Variants in TNR observed in about 807,000 individuals in gnomAD.
The protein encoded by TNR is tenascin-R.
A neutral mutation model predicts 150.4 loss-of-function variants in TNR; 45 were observed. That is an observed-to-expected ratio of 0.30 (90% CI 0.24 to 0.38). TNR has a LOEUF of 0.38. Ranked by LOEUF, TNR falls within the 10% of genes least tolerant of loss-of-function variation. The pLI is 1.00. For missense variants in TNR, 1,544 were observed against 1,759.1 expected (o/e 0.88, Z 2.19); for synonymous variants, 687 against 678.4 (o/e 1.01, Z -0.20).
At chr1:175,569,819 G>A (rs1031212772) in intron 1 of TNR, among the ~76,000 whole-genome samples, 2 of 152,184 alleles carry the variant, frequency 1.3e-5, no homozygotes, top group Non-Finnish European at 2.9e-5. Context: ...CAGATTTACA[G>A]GAGATAGACA....
At chr1:175,577,535 A>G (rs922778280) in intron 1 of TNR, among the ~76,000 whole-genome samples, 1 of 152,086 alleles carries the variant, frequency 6.6e-6, no homozygotes, top group African/African-American at 2.4e-5. Flanking sequence ...ACTGCCCCAC[A>G]CAAGCCTTGG....
intron 1 of TNR, among the ~76,000 whole-genome samples, chr1:175,602,000 A>G (rs1663256343): frequency 6.6e-6 from 1 of 152,146 alleles, no homozygotes; most frequent in South Asian, 2.1e-4. Flanking sequence ...ACCCCACTGT[A>G]TAGAGCAGGG....
Position 175,403,122 on chromosome 1 carries a change from G to A in TNR, c.976+18C>T. The stretch of plus-strand genomic sequence containing the variant: ...TGGACCACCCTTGCCAAACACCCCA[G>A]AGAGTTCCCCTGCCTACCTGCTGAG... On this transcript the variant is annotated intron_variant, in intron 4 of 22. Transcript: ENST00000367674. The A allele has an allele frequency of 6.3e-7, 1 of 1,597,056 alleles. No homozygotes were observed. The highest frequency in any genetic ancestry group is 2.2e-5 in the East Asian group (1 of 44,552).
chr1:175,730,603 C>T (rs1429841318), intron 1 of TNR, among the ~76,000 whole-genome samples: 1 of 152,134 alleles, frequency 6.6e-6, no homozygotes, highest in Non-Finnish European at 1.5e-5. Context: ...TTACTGAATG[C>T]CAACAGAATT....
chr1:175,573,317 GA>G (rs1661962809), intron 1 of TNR, among the ~76,000 whole-genome samples: 1 of 152,234 alleles, frequency 6.6e-6, no homozygotes, highest in African/African-American at 2.4e-5. Flanking sequence ...CCCTCCCTCA[GA>G]GCCCTGCGGC....
chr1:175,711,656 G>C (rs576912778), intron 1 of TNR, among the ~76,000 whole-genome samples: 3 of 152,170 alleles, frequency 2.0e-5, no homozygotes, highest in Non-Finnish European at 4.4e-5. Context: ...GACTGTGGCC[G>C]GGCCCAGGAC....
intron 20 of TNR, among the ~76,000 whole-genome samples, chr1:175,331,139 C>CTCTT (rs1649870297): frequency 1.7e-5 from 2 of 114,542 alleles, no homozygotes; most frequent in Non-Finnish European, 3.9e-5. Flanking sequence ...TCTTTTCTTT[C>CTCTT]TTTCTTCCTT....
chr1:175,698,762 G>A lies in TNR; in HGVS notation c.-165+44464C>T, dbSNP rs374657283. 4.6e-5 allele frequency among the ~76,000 whole-genome samples: 7 copies of A among 152,002 alleles called. No individual in the cohort carries two copies. The East Asian group carries it at 7.7e-4, about 17-fold the overall frequency. ...AGGCAGGGGAATCGCTTGGACCTGG[G>A]AGTTGGAGGTTGCAGTGATCTGAGA... On this transcript the variant is annotated intron_variant, in intron 1 of 22. Transcript: ENST00000367674.
chr1:175,450,241 A>G (rs1465351371), intron 2 of TNR, among the ~76,000 whole-genome samples: 1 of 152,154 alleles, frequency 6.6e-6, no homozygotes, highest in African/African-American at 2.4e-5. Context: ...GGAAAGATTC[A>G]TGGTCTCTGG....
At chr1:175,350,291 A>G (rs574599076) in intron 18 of TNR, among the ~76,000 whole-genome samples, 4 of 152,336 alleles carry the variant, frequency 2.6e-5, no homozygotes, top group African/African-American at 9.6e-5. Flanking sequence ...TCTTTACTTA[A>G]CCTCAAGGTC....
At chr1:175,490,955 A>G (rs557961894) in intron 2 of TNR, among the ~76,000 whole-genome samples, 11 of 152,362 alleles carry the variant, frequency 7.2e-5, no homozygotes, top group Non-Finnish European at 1.5e-4. Context: ...AATAGCAAAG[A>G]CATATAATTA....
chr1:175,612,385 AT>A (rs1168676984), intron 1 of TNR, among the ~76,000 whole-genome samples: 1 of 152,192 alleles, frequency 6.6e-6, no homozygotes, highest in African/African-American at 2.4e-5. Flanking sequence ...TTGTCTTTGC[AT>A]ATCTGGTGAA....
chr1:175,388,656 C>T (rs1264043891), intron 7 of TNR, among the ~76,000 whole-genome samples: 4 of 152,232 alleles, frequency 2.6e-5, no homozygotes, highest in Admixed American at 6.5e-5. Context: ...GAGGTATCAA[C>T]TTGCTTTCAG....
At chr1:175,576,144 A>G (rs1481088382) in intron 1 of TNR, among the ~76,000 whole-genome samples, 1 of 152,220 alleles carries the variant, frequency 6.6e-6, no homozygotes, top group Non-Finnish European at 1.5e-5. Flanking sequence ...GTAGGATGGC[A>G]GTGATGGCAC....
intron 2 of TNR, among the ~76,000 whole-genome samples, chr1:175,453,975 A>G (rs750714658): frequency 6.6e-6 from 1 of 151,940 alleles, no homozygotes; most frequent in Non-Finnish European, 1.5e-5. Context: ...GACAGGGTGA[A>G]TTTTTTCCAG....
intron 1 of TNR, among the ~76,000 whole-genome samples, chr1:175,600,582 G>C (rs1293012521): frequency 6.6e-6 from 1 of 152,180 alleles, no homozygotes; most frequent in Non-Finnish European, 1.5e-5. Context: ...TAAAGATAGG[G>C]CCACCATGTA....
Position 175,693,122 on chromosome 1 carries a change from G to A in TNR, c.-165+50104C>T, listed in dbSNP as rs780565253. Among the ~76,000 whole-genome samples the A allele has an allele frequency of 1.2e-4, 18 of 152,180 alleles. 1 individual carries two copies. The highest frequency in any genetic ancestry group is 2.0e-4 in the Admixed American group (3 of 15,282). ...TTGTAAACTACATAGAATGTTAGAG[G>A]TAATGAGGTCACAGTCTTTGGAAAA... On this transcript the variant is annotated intron_variant, in intron 1 of 22. Coordinates refer to ENST00000367674, the MANE Select transcript of TNR (RefSeq NM_003285.3).
intron 2 of TNR, 113 bp from the exon 3 acceptor site, chr1:175,406,890 G>A: frequency 4.0e-6 from 3 of 752,478 alleles, no homozygotes; most frequent in South Asian, 1.9e-5. Flanking sequence ...TCAAGGGGGG[G>A]GCGTCAGGAA....
chr1:175,329,737 C>G (rs1171278467), intron 21 of TNR, among the ~76,000 whole-genome samples: 1 of 152,186 alleles, frequency 6.6e-6, no homozygotes, highest in African/African-American at 2.4e-5. Flanking sequence ...GAAAACAATC[C>G]TTCTTCATCT....
Sources: gnomAD v4.1 joint callset for allele counts (sites outside exome capture counted in the v4.1 genomes callset) on GRCh38, gnomAD v4.1.1 for gene constraint, MANE v1.5 for transcripts, NCBI Gene and HGNC (gene_info 2026-07-23, HGNC 2026-07-21) for gene names.